TESMIN: variants seen among roughly 807,000 people sequenced by gnomAD.
The protein encoded by TESMIN is CXC domain containing 2.
A neutral mutation model predicts 47.4 loss-of-function variants in TESMIN; 34 were observed. The observed-to-expected ratio is 0.72, with a 90% CI of 0.55 to 0.96. The LOEUF (loss-of-function observed/expected upper bound fraction) is 0.96. Among genes scored for constraint, TESMIN ranks in the 40% least tolerant of loss-of-function variants. The probability of loss-of-function intolerance (pLI) is 0.00; values close to 1 mark genes in which losing one functional copy is unlikely to be tolerated. For synonymous variants in TESMIN, 278 were observed against 258.9 expected (o/e 1.07, Z -0.71); for missense variants, 610 against 637.2 (o/e 0.96, Z 0.46).
Position 68,750,506 on chromosome 11 carries a change from G to A in TESMIN, c.155C>T (p.Ala52Val). ...EEDEFHVFKE[A>V]YLGPADPKEP... ...CTTGGGGTCCGCCGGGCCCAGGTACGCTTCTTTGAAGACGTGGAACTCGTC... is the reference window on the plus strand; with the variant it reads ...CTTGGGGTCCGCCGGGCCCAGGTACACTTCTTTGAAGACGTGGAACTCGTC... The change falls in exon 2 of 10, where the codon GCG becomes GTG. Residue 52 changes from alanine to valine, a missense_variant. Transcript: ENST00000255087. The A allele has an allele frequency of 6.2e-7, 1 of 1,603,842 alleles. No individual in the cohort carries two copies. Among genetic ancestry groups the A allele is most frequent in the Non-Finnish European group, 8.5e-7 (1 of 1,175,762 alleles).
chr11:68,731,970 A>T (rs1946332075), intron 6 of TESMIN, among the ~76,000 whole-genome samples: 1 of 152,194 alleles, frequency 6.6e-6, no homozygotes, highest in Non-Finnish European at 1.5e-5. Context: ...AGTGCCCAAA[A>T]TGTTCACGTT....
downstream of TESMIN, among the ~76,000 whole-genome samples, chr11:68,704,997 C>T (rs1265240041): frequency 1.3e-5 from 2 of 152,018 alleles, no homozygotes; most frequent in Non-Finnish European, 2.9e-5. Flanking sequence ...CAGTCTCTGC[C>T]GGGGGCCGGG....
intron 6 of TESMIN, chr11:68,732,807 A>G (rs898789293): frequency 1.1e-4 from 17 of 152,250 alleles, no homozygotes; most frequent in African/African-American, 4.1e-4. Context: ...TTGTTTTTCC[A>G]CTTTGGTTGT....
intron 6 of TESMIN, among the ~76,000 whole-genome samples, chr11:68,724,561 G>T (rs1946239514): frequency 6.6e-6 from 1 of 152,210 alleles, no homozygotes; most frequent in South Asian, 2.1e-4. Flanking sequence ...TGGCCAAAGG[G>T]CTATCAGTGG....
chr11:68,750,556 C>T lies in TESMIN; in HGVS notation c.105G>A (p.Leu35=). ...CCTCCTCGTACTTCACGGGGGCCTT[C>T]AGGCCGATGTTCTCCGAAGCGAACG... ...EGPFASENIG[L]KAPVKYEEDE... Residue 35 remains leucine, a synonymous_variant, in exon 2 of 10, where the codon CTG becomes CTA. Coordinates refer to ENST00000255087, the MANE Select transcript of TESMIN (RefSeq NM_004923.3). The T allele has an allele frequency of 3.1e-6, 5 of 1,607,674 alleles. No homozygotes were observed. Among genetic ancestry groups the T allele is most frequent in the Non-Finnish European group, 4.2e-6 (5 of 1,177,852 alleles).
intron 8 of TESMIN, among the ~76,000 whole-genome samples, chr11:68,712,322 C>G (rs1946083088): frequency 6.6e-6 from 1 of 152,198 alleles, no homozygotes; most frequent in Admixed American, 6.5e-5. Flanking sequence ...GCATCTCTGT[C>G]GTGTTTTGAC....
At chr11:68,724,236 ATATAT>A (rs1379953674) in intron 6 of TESMIN, among the ~76,000 whole-genome samples, 3 of 152,230 alleles carry the variant, frequency 2.0e-5, no homozygotes, top group Non-Finnish European at 2.9e-5. Flanking sequence ...GTTGTCATAG[ATATAT>A]TATGAGATTA....
At chr11:68,731,356 G>T (rs117563648) in intron 6 of TESMIN, among the ~76,000 whole-genome samples, 1 of 152,060 alleles carries the variant, frequency 6.6e-6, no homozygotes. Context: ...TGAGCCCAGG[G>T]GGTCAAGGCT....
intron 6 of TESMIN, among the ~76,000 whole-genome samples, chr11:68,722,965 GA>G (rs1445242619): frequency 1.3e-5 from 2 of 152,160 alleles, no homozygotes; most frequent in African/African-American, 4.8e-5. Context: ...AATCTTAAGT[GA>G]GGGATCTCAA....
At chr11:68,740,948 C>T (rs1236352903) in intron 5 of TESMIN, among the ~76,000 whole-genome samples, 1 of 152,132 alleles carries the variant, frequency 6.6e-6, no homozygotes, top group Admixed American at 6.6e-5. Context: ...TTGATGGAAA[C>T]TCCATCTCTC....
At chr11:68,748,080 C>T (rs571883509) in intron 2 of TESMIN, among the ~76,000 whole-genome samples, 3 of 152,236 alleles carry the variant, frequency 2.0e-5, no homozygotes, top group African/African-American at 4.8e-5. Flanking sequence ...GCTGCCTGGA[C>T]CAGAGGACAG....
rs866754136 is a variant in TESMIN, at chr11:68,750,785, A to G, written c.-39-86T>C. 268 of 87,648 alleles carry G rather than the reference A, an allele frequency of 3.1e-3. 4 individuals are homozygous for G. Among genetic ancestry groups the G allele is most frequent in the Middle Eastern group, 9.6e-3 (3 of 312 alleles). The allele number at this position is 87,648 out of a possible 1,614,324, so 5.4% of individuals were successfully genotyped here. A position where few individuals can be genotyped will look rare whatever the true frequency, so the allele number is the denominator to read the frequency against. ...GAAAGGGGACAGCCAAGGGAGGGGCAGCCAAGGGAGGGGCGGCCAGGGGAG... is the reference window on the plus strand; with the variant it reads ...GAAAGGGGACAGCCAAGGGAGGGGCGGCCAAGGGAGGGGCGGCCAGGGGAG... On this transcript the variant is annotated intron_variant, in intron 1 of 9. Transcript: ENST00000255087.
At chr11:68,720,190 G>A (rs1946188958) in intron 6 of TESMIN, among the ~76,000 whole-genome samples, 1 of 152,074 alleles carries the variant, frequency 6.6e-6, no homozygotes, top group Non-Finnish European at 1.5e-5. Context: ...GTCCAGGCTA[G>A]GCACACTTCT....
At position 68,750,528 on chromosome 11, in the gene TESMIN, C is replaced by T. The variant is rs142611301; in HGVS notation, c.133G>A (p.Glu45Lys). ...LKAPVKYEED[E>K]FHVFKEAYLG... ...TACGCTTCTTTGAAGACGTGGAACT[C>T]GTCCTCCTCGTACTTCACGGGGGCC... The change falls in exon 2 of 10, where the codon GAG becomes AAG. Residue 45 changes from glutamate to lysine, a missense_variant. Coordinates refer to ENST00000255087, the MANE Select transcript of TESMIN (RefSeq NM_004923.3). 3.4e-5 allele frequency: 54 copies of T among 1,604,628 alleles called. No individual in the cohort carries two copies. The African/African-American group carries it at 6.7e-4, about 20-fold the overall frequency.
intron 6 of TESMIN, chr11:68,736,784 G>A: frequency 1.0e-6 from 1 of 969,960 alleles, no homozygotes; most frequent in South Asian, 4.8e-5. Flanking sequence ...GCAGGGGGAG[G>A]AGAACAAAGA....
At chr11:68,729,276 A>C (rs556311381) in intron 6 of TESMIN, among the ~76,000 whole-genome samples, 1 of 152,342 alleles carries the variant, frequency 6.6e-6, no homozygotes, top group East Asian at 1.9e-4. Flanking sequence ...CTGTAATCCC[A>C]GTACTTTGGG....
chr11:68,745,092 C>A lies in TESMIN; in HGVS notation c.650G>T (p.Gly217Val), dbSNP rs768172750. The change falls in exon 4 of 10, where the codon GGG (glycine) becomes GTG (valine). Residue 217 changes from glycine to valine, a missense_variant. Physicochemically the swap from Gly to Val is moderately radical, Grantham distance 109. Transcript: ENST00000255087. ...GTCTATACATAGCATTTGTGTGCCC[C>A]CTTTCAATTGGCATATCACCTAAAA... The part of the protein sequence containing the change: ...SNPMVICQLK[G>V]GTQMLCIDNS... 2.5e-5 allele frequency: 39 copies of A among 1,576,596 alleles called. No homozygotes were observed. In the African/African-American group the frequency reaches 4.8e-4, roughly 20 times the overall value.
intron 9 of TESMIN, among the ~76,000 whole-genome samples, chr11:68,709,454 G>C (rs549851110): frequency 2.6e-5 from 4 of 152,186 alleles, no homozygotes; most frequent in Non-Finnish European, 5.9e-5. Flanking sequence ...CATCAATGCC[G>C]CTTGGAGCTG....
chr11:68,715,851 A>ACC lies in TESMIN; in HGVS notation c.1004_1005dup (p.Phe336GlyfsTer44). ...ACATTTATTACCTTAATGGCTTTAA[A>ACC]CCGTTCAATATCATGATGCAAGTTG... On this transcript the variant is annotated frameshift_variant, in exon 7 of 10. Coordinates refer to ENST00000255087, the MANE Select transcript of TESMIN (RefSeq NM_004923.3). LOFTEE classifies it high-confidence loss of function. 1 of 1,605,226 alleles carries ACC rather than the reference A, an allele frequency of 6.2e-7. No individual in the cohort carries two copies.
Sources: gnomAD v4.1 joint callset for allele counts (sites outside exome capture counted in the v4.1 genomes callset) on GRCh38, gnomAD v4.1.1 for gene constraint, MANE v1.5 for transcripts, NCBI Gene and HGNC (gene_info 2026-07-23, HGNC 2026-07-21) for gene names.